The following PRKCH variants were observed in gnomAD, a reference collection of about 807,000 sequenced individuals.
PRKCH encodes protein kinase C eta.
PRKCH carries 28 observed loss-of-function variants against 82.5 expected under a neutral mutation model. The observed-to-expected ratio is 0.34, with a 90% CI of 0.25 to 0.47. PRKCH has a LOEUF of 0.47. PRKCH is among the 20% of genes least tolerant of loss of function. The pLI is 1.00. For missense variants in PRKCH, 705 were observed against 881.8 expected, an observed-to-expected ratio of 0.80 and a Z score of 2.54; for synonymous variants, 322 against 327.4, an observed-to-expected ratio of 0.98 and a Z score of 0.18.
chr14:61,297,337 T>C (rs193196833), intron 1 of PRKCH, among the ~76,000 whole-genome samples: 8 of 152,330 alleles, frequency 5.3e-5, no homozygotes, highest in African/African-American at 1.9e-4. Context: ...ACAGAAACTA[T>C]TCCTTTCTGT....
At chr14:61,293,231 A>G (rs576025410) in intron 1 of PRKCH, among the ~76,000 whole-genome samples, 1 of 152,334 alleles carries the variant, frequency 6.6e-6, no homozygotes, top group African/African-American at 2.4e-5. Flanking sequence ...TTCCATCTTC[A>G]CAGAGGGCCT....
At chr14:61,460,223 A>G (rs990090625) in intron 9 of PRKCH, among the ~76,000 whole-genome samples, 5 of 152,198 alleles carry the variant, frequency 3.3e-5, no homozygotes, top group African/African-American at 1.2e-4. Context: ...AAGCTGCCTC[A>G]TTTTTAATGG....
At chr14:61,362,760 C>T (rs1412699666) in intron 1 of PRKCH, among the ~76,000 whole-genome samples, 1 of 152,166 alleles carries the variant, frequency 6.6e-6, no homozygotes, top group Non-Finnish European at 1.5e-5. Flanking sequence ...GTGTCGATGA[C>T]CCTCTTTGCA....
At chr14:61,307,981 C>T (rs1317282984) in intron 1 of PRKCH, among the ~76,000 whole-genome samples, 1 of 152,146 alleles carries the variant, frequency 6.6e-6, no homozygotes, top group African/African-American at 2.4e-5. Context: ...GAACCACAGG[C>T]ACACATCAGC....
intron 9 of PRKCH, among the ~76,000 whole-genome samples, chr14:61,463,890 G>A (rs2140303223): frequency 6.6e-6 from 1 of 152,302 alleles, no homozygotes; most frequent in Middle Eastern, 3.4e-3. Context: ...TGTTGCAAAT[G>A]ACAGGATGTC....
intron 9 of PRKCH, among the ~76,000 whole-genome samples, chr14:61,474,258 G>T (rs1170246470): frequency 1.3e-5 from 2 of 152,138 alleles, no homozygotes; most frequent in African/African-American, 4.8e-5. Flanking sequence ...GAACCTGTCT[G>T]AACTCCACTT....
intron 5 of PRKCH, among the ~76,000 whole-genome samples, chr14:61,449,894 C>G (rs994635795): frequency 8.0e-5 from 2 of 24,914 alleles, no homozygotes; most frequent in African/African-American, 1.3e-4. Flanking sequence ...CTCTCTCTCT[C>G]TCTCTCTGTG....
chr14:61,372,418 C>T (rs1331732817), intron 1 of PRKCH, among the ~76,000 whole-genome samples: 4 of 152,036 alleles, frequency 2.6e-5, no homozygotes, highest in Admixed American at 1.3e-4. Flanking sequence ...TTTTCAACTC[C>T]GATACAGTGT....
intron 1 of PRKCH, among the ~76,000 whole-genome samples, chr14:61,350,731 A>G (rs2046062795): frequency 6.6e-6 from 1 of 152,190 alleles, no homozygotes; most frequent in South Asian, 2.1e-4. Flanking sequence ...CGGTGCATGT[A>G]GATGTTTACT....
intron 1 of PRKCH, among the ~76,000 whole-genome samples, chr14:61,381,693 G>A (rs1392757026): frequency 6.6e-6 from 1 of 152,180 alleles, no homozygotes; most frequent in Admixed American, 6.5e-5. Flanking sequence ...ACCATCCAGC[G>A]GCACATCAGG....
chr14:61,523,505 C>G (rs1157039398), intron 10 of PRKCH, among the ~76,000 whole-genome samples: 2 of 152,152 alleles, frequency 1.3e-5, no homozygotes, highest in Admixed American at 1.3e-4. Context: ...AAATCTGAAT[C>G]CTGATTTTAC....
At chr14:61,189,635 C>T (rs1566774670) in intron 1 of PRKCH, among the ~76,000 whole-genome samples, 1 of 151,890 alleles carries the variant, frequency 6.6e-6, no homozygotes, top group Non-Finnish European at 1.5e-5. Context: ...CCCTTTCTCT[C>T]TGTCTTCCTA....
intron 1 of PRKCH, among the ~76,000 whole-genome samples, chr14:61,355,090 A>G (rs1399179003): frequency 6.6e-6 from 1 of 152,206 alleles, no homozygotes; most frequent in East Asian, 1.9e-4. Context: ...AATAGAAAAT[A>G]AACCTTTTCC....
intron 2 of PRKCH, among the ~76,000 whole-genome samples, chr14:61,413,203 T>C (rs1249424454): frequency 1.3e-5 from 2 of 152,172 alleles, no homozygotes; most frequent in East Asian, 3.8e-4. Flanking sequence ...CACTTTCTAA[T>C]TACAAAGTGT....
intron 1 of PRKCH, among the ~76,000 whole-genome samples, chr14:61,284,877 G>A (rs997673163): frequency 6.6e-6 from 1 of 151,682 alleles, no homozygotes; most frequent in Non-Finnish European, 1.5e-5. Flanking sequence ...TTAATAGATT[G>A]TAATTAAGAT....
intron 1 of PRKCH, among the ~76,000 whole-genome samples, chr14:61,315,689 A>G (rs2045556634): frequency 1.3e-5 from 2 of 150,930 alleles, no homozygotes; most frequent in South Asian, 2.1e-4. Flanking sequence ...TTTTGTATAC[A>G]TATTTTTTGT....
Position 61,549,630 on chromosome 14 carries a change from T to C in PRKCH, c.1906-55T>C, listed in dbSNP as rs562485364. 1.8e-5 allele frequency: 28 copies of C among 1,591,872 alleles called. No individual in the cohort carries two copies. The South Asian group carries it at 3.0e-4, about 17-fold the overall frequency. On this transcript the variant is annotated intron_variant, in intron 13 of 13. Transcript: ENST00000332981. ...GGAATGGGCTATATCCCATGCAAGA[T>C]GAGTAAGCCTCAAGCGCAAAAATCT...
rs545360045 is a variant in PRKCH, at chr14:61,549,898, C to T, written c.*67C>T. 1 of 1,525,888 alleles carries T rather than the reference C, an allele frequency of 6.6e-7. No homozygotes were observed. Among genetic ancestry groups the T allele is most frequent in the African/African-American group, 1.4e-5 (1 of 72,220 alleles). 94.5% of individuals were successfully genotyped at this position (1,525,888 alleles called of 1,614,324 possible). A position where few individuals can be genotyped will look rare whatever the true frequency, so the allele number is the denominator to read the frequency against. On this transcript the variant is annotated 3_prime_UTR_variant, in exon 14 of 14. Transcript: ENST00000332981. ...AATAGAGATTCTCCAGGAATTTCCT[C>T]TATGGGACCTTCCCAGCATCAGCCT...
upstream of PRKCH, among the ~76,000 whole-genome samples, chr14:61,320,084 T>C (rs760025560): frequency 3.9e-5 from 6 of 152,112 alleles, no homozygotes; most frequent in Non-Finnish European, 8.8e-5. Context: ...CTTAACACTT[T>C]AGGAGGCAGG....
Sources: gnomAD v4.1 joint callset for allele counts (sites outside exome capture counted in the v4.1 genomes callset) on GRCh38, gnomAD v4.1.1 for gene constraint, MANE v1.5 for transcripts, NCBI Gene and HGNC (gene_info 2026-07-23, HGNC 2026-07-21) for gene names.